Variants in IGSF10 observed in about 807,000 individuals in gnomAD.
IGSF10 encodes the protein immunoglobulin superfamily member 10.
Under a neutral mutation model 128.2 loss-of-function variants are expected in IGSF10, and 126 were observed. The observed-to-expected ratio is 0.98, with a 90% CI of 0.85 to 1.14. IGSF10 has a LOEUF of 1.14. Ranked by LOEUF, IGSF10 falls within the 50% of genes most tolerant of loss-of-function variation. The pLI is 0.00. For missense variants in IGSF10, 3,295 were observed against 3,149.8 expected (o/e 1.05, Z -1.10); for synonymous variants, 1,185 against 1,146.2 (o/e 1.03, Z -0.68).
At chr3:151,574,054 T>C in the IGSF10 span, among the ~76,000 whole-genome samples, 1 of 152,250 alleles carries the variant, frequency 6.6e-6, no homozygotes, top group Non-Finnish European at 1.5e-5. Flanking sequence ...TCCCACTCTC[T>C]TCTGGCGTGT....
the IGSF10 span, among the ~76,000 whole-genome samples, chr3:151,500,727 C>T: frequency 2.0e-5 from 3 of 152,118 alleles, no homozygotes; most frequent in African/African-American, 7.2e-5. Flanking sequence ...TATTACTTGT[C>T]CATCACATTT....
the IGSF10 span, among the ~76,000 whole-genome samples, chr3:151,561,261 T>C: frequency 5.9e-5 from 9 of 152,196 alleles, no homozygotes; most frequent in Non-Finnish European, 1.0e-4. Context: ...AAAAACTAAA[T>C]GTTGTTTCTT....
chr3:151,540,339 T>A, the IGSF10 span, among the ~76,000 whole-genome samples: 1,936 of 152,318 alleles, frequency 0.013, 42 homozygotes, highest in African/African-American at 0.044. Flanking sequence ...ATTTCTAAGA[T>A]AATACATTAA....
At chr3:151,618,760 ATAAAAAAT>A in the IGSF10 span, among the ~76,000 whole-genome samples, 3 of 150,288 alleles carry the variant, frequency 2.0e-5, no homozygotes, top group Admixed American at 1.3e-4. Context: ...AAATAAATAA[ATAAAAAAT>A]TAAAAAATTA....
chr3:151,438,636 A>C (rs758713177), intron 7 of IGSF10, 39 bp from the exon 8 acceptor site: 1 of 1,517,386 alleles, frequency 6.6e-7, no homozygotes, highest in African/African-American at 1.4e-5. Flanking sequence ...TGCAGCTGTT[A>C]GCAATGAGGG....
chr3:151,519,068 G>T, the IGSF10 span, among the ~76,000 whole-genome samples: 9 of 151,854 alleles, frequency 5.9e-5, no homozygotes, highest in African/African-American at 2.2e-4. Flanking sequence ...TGATGAGATG[G>T]GAGATCACAG....
At chr3:151,460,605 C>T (rs9817113) in intron 1 of IGSF10, among the ~76,000 whole-genome samples, 7,020 of 152,286 alleles carry the variant, frequency 0.046, 256 homozygotes, top group East Asian at 0.13. Context: ...AAAGTTATCA[C>T]TTGAATATTA....
the IGSF10 span, among the ~76,000 whole-genome samples, chr3:151,551,589 A>C: frequency 1.5e-3 from 222 of 152,178 alleles, no homozygotes; most frequent in Non-Finnish European, 2.8e-3. Context: ...AAGGTTAATC[A>C]GATGTCAAAT....
At chr3:151,460,162 A>G (rs1721985253) in intron 2 of IGSF10, 99 bp downstream of exon 2, 1 of 221,134 alleles carries the variant, frequency 4.5e-6, no homozygotes. Flanking sequence ...CGTTCAAATT[A>G]TTTAAAAGAG....
chr3:151,602,326 G>A, the IGSF10 span, among the ~76,000 whole-genome samples: 13 of 151,826 alleles, frequency 8.6e-5, no homozygotes, highest in Non-Finnish European at 1.6e-4. Flanking sequence ...TCATGCTCAC[G>A]CAAAATTTGG....
chr3:151,447,193 C>A lies in IGSF10; in HGVS notation c.2788G>T (p.Asp930Tyr), dbSNP rs1457225777. ...PPITVRTMIK[D>Y]VNVKMLSSTT... ...CTACTAAGCATTTTGACATTGACAT[C>A]TTTGATCATAGTCCTTACTGTTATT... The change falls in exon 6 of 8, where the codon GAT (aspartate) becomes TAT (tyrosine). Residue 930 changes from aspartate (D) to tyrosine (Y), a missense_variant. By Grantham distance (160) the Asp-to-Tyr change is radical. Coordinates refer to ENST00000282466, the MANE Select transcript of IGSF10 (RefSeq NM_178822.5). 6.2e-7 allele frequency: 1 copy of A among 1,614,204 alleles called. No individual in the cohort carries two copies. Among genetic ancestry groups the A allele is most frequent in the Non-Finnish European group, 8.5e-7 (1 of 1,180,038 alleles).
chr3:151,597,373 G>C, the IGSF10 span, among the ~76,000 whole-genome samples: 1 of 152,200 alleles, frequency 6.6e-6, no homozygotes, highest in Non-Finnish European at 1.5e-5. Flanking sequence ...GGGCTTGGTT[G>C]CTCTGGGATG....
intron 2 of IGSF10, among the ~76,000 whole-genome samples, chr3:151,459,263 C>G (rs1429634284): frequency 6.6e-6 from 1 of 152,136 alleles, no homozygotes; most frequent in East Asian, 1.9e-4. Flanking sequence ...TATAGGTGTA[C>G]ATACATTTAC....
chr3:151,617,260 CTCTTCT>C, the IGSF10 span, among the ~76,000 whole-genome samples: 5,280 of 55,658 alleles, frequency 0.095, 217 homozygotes, highest in Non-Finnish European at 0.11. Context: ...TCTTCTCCTT[CTCTTCT>C]TCTTCTTCTT....
At chr3:151,440,431 G>C (rs1162061525) in intron 7 of IGSF10, 2 of 379,054 alleles carry the variant, frequency 5.3e-6, no homozygotes, top group African/African-American at 2.1e-5. Context: ...GAAGTTCTCT[G>C]GCATATAAAC....
chr3:151,515,711 A>G, the IGSF10 span, among the ~76,000 whole-genome samples: 138 of 123,966 alleles, frequency 1.1e-3, no homozygotes, highest in Non-Finnish European at 2.0e-3. Flanking sequence ...AAAAATATAT[A>G]AATTATATTA....
chr3:151,460,321 C>T lies in IGSF10; in HGVS notation c.-62G>A. On this transcript the variant is annotated 5_prime_UTR_variant, in exon 2 of 8. Coordinates refer to ENST00000282466, the MANE Select transcript of IGSF10 (RefSeq NM_178822.5). ...ACATAGGCAGAGACAGAAAATCTTC[C>T]CAGGAAATGGAAAATTGTGTCCAAA... is the stretch of plus-strand genomic sequence containing the variant. 1 of 982,528 alleles carries T rather than the reference C, an allele frequency of 1.0e-6. No homozygotes were observed. The highest frequency in any genetic ancestry group is 1.2e-6 in the Non-Finnish European group (1 of 827,308). 60.9% of individuals were successfully genotyped at this position (982,528 alleles called of 1,614,324 possible).
chr3:151,453,252 C>G, intron 5 of IGSF10, 132 bp downstream of exon 5: 2 of 740,812 alleles, frequency 2.7e-6, no homozygotes, highest in South Asian at 4.8e-5. Flanking sequence ...GTAAATAATT[C>G]ATTATTCTTG....
At chr3:151,465,762 A>C (rs1410431675), upstream of IGSF10, among the ~76,000 whole-genome samples, 1 of 152,176 alleles carries the variant, frequency 6.6e-6, no homozygotes, top group African/African-American at 2.4e-5. Context: ...CAGCAAACTA[A>C]ATATGGCCTG....
Sources: gnomAD v4.1 joint callset for allele counts (sites outside exome capture counted in the v4.1 genomes callset) on GRCh38, gnomAD v4.1.1 for gene constraint, MANE v1.5 for transcripts, NCBI Gene and HGNC (gene_info 2026-07-23, HGNC 2026-07-21) for gene names.